Variants in MLPH observed in about 807,000 individuals in gnomAD.
MLPH encodes the protein melanophilin.
Under a neutral mutation model 72.1 loss-of-function variants are expected in MLPH, and 51 were observed. The observed-to-expected ratio is 0.71, with a 90% CI of 0.56 to 0.89. MLPH has a LOEUF of 0.89. MLPH is among the 40% of genes least tolerant of loss of function. The probability of loss-of-function intolerance (pLI) is 0.00; values close to 1 mark genes in which losing one functional copy is unlikely to be tolerated. For missense variants in MLPH, 743 were observed against 759.9 expected (o/e 0.98, Z 0.26); for synonymous variants, 301 against 310.1 (o/e 0.97, Z 0.31).
chr2:237,504,508 G>A (rs987793580), intron 2 of MLPH, among the ~76,000 whole-genome samples: 3 of 152,180 alleles, frequency 2.0e-5, no homozygotes, highest in Non-Finnish European at 2.9e-5. Context: ...GTGAGCCACC[G>A]CAACTGACCA....
In MLPH at chr2:237,537,997, C is replaced by T. The variant is rs141792829; in HGVS notation, c.1105-2351C>T. Among the ~76,000 whole-genome samples the T allele has an allele frequency of 5.3e-5, 8 of 152,336 alleles. No homozygotes were observed. In the East Asian group the frequency reaches 9.7e-4, roughly 18 times the overall value. The stretch of plus-strand genomic sequence containing the variant: ...ATGGATGAGTGAACGAGCAGGTGCA[C>T]GGGCAGACAAGTGAATGGGCGTCGT... On this transcript the variant is annotated intron_variant, in intron 9 of 15. Coordinates refer to ENST00000264605, the MANE Select transcript of MLPH (RefSeq NM_024101.7).
chr2:237,525,889 A>G, intron 7 of MLPH, 84 bp downstream of exon 7: 1 of 1,327,322 alleles, frequency 7.5e-7, no homozygotes, highest in Non-Finnish European at 1.1e-6. Context: ...ACCCTGACCT[A>G]TCCAACACAC....
rs1386436876 is a variant in MLPH, at chr2:237,505,334, C to T, written c.111-5240C>T. ...ACGTGCTGTGGCCTCTTCCACCAAC[C>T]CCAAGCCTCTGCCAGTCCCCTGGCT... is the stretch of plus-strand genomic sequence containing the variant. On this transcript the variant is annotated intron_variant, in intron 2 of 15. Transcript: ENST00000264605. The surrounding 1 kb of genome is among the most constrained non-coding windows in gnomAD (Gnocchi z 4.5). Among the ~76,000 whole-genome samples, 2 of 152,160 alleles carry T rather than the reference C, an allele frequency of 1.3e-5. No individual in the cohort carries two copies. The highest frequency in any genetic ancestry group is 2.9e-5 in the Non-Finnish European group (2 of 68,030).
At position 237,555,160 on chromosome 2, in the gene MLPH, C is replaced by G. The variant is rs2081102557; in HGVS notation, c.*1568C>G. On this transcript the variant is annotated 3_prime_UTR_variant, in exon 16 of 16. Coordinates refer to ENST00000264605, the MANE Select transcript of MLPH (RefSeq NM_024101.7). ...TGATGGTATATGCCTGTAGTCGTAC[C>G]TACTTACTTAGGAGGCTGAGGCAGG... The G allele has an allele frequency of 6.6e-6, 1 of 152,170 alleles. No homozygotes were observed. The highest frequency in any genetic ancestry group is 2.4e-5 in the African/African-American group (1 of 41,400). 9.4% of individuals were successfully genotyped at this position (152,170 alleles called of 1,614,324 possible). A position where few individuals can be genotyped will look rare whatever the true frequency, so the allele number is the denominator to read the frequency against.
At chr2:237,496,725 T>C (rs2106463535) in intron 2 of MLPH, among the ~76,000 whole-genome samples, 1 of 152,224 alleles carries the variant, frequency 6.6e-6, no homozygotes, top group East Asian at 1.9e-4. Flanking sequence ...AGGGGGGGGC[T>C]TGTTAAGTCC....
rs114258947 is a variant in MLPH, at chr2:237,541,381, G to C, written c.1446+424G>C. 0.025 allele frequency among the ~76,000 whole-genome samples: 3,825 copies of C among 152,300 alleles called. 50 individuals are homozygous for C. Among genetic ancestry groups the C allele is most frequent in the Middle Eastern group, 0.061 (18 of 294 alleles). On this transcript the variant is annotated intron_variant, in intron 11 of 15. Coordinates refer to ENST00000264605, the MANE Select transcript of MLPH (RefSeq NM_024101.7). This position sits in a 1 kb window ranked among gnomAD's most constrained non-coding sequence, Gnocchi z 5.1. Reference sequence around the variant, plus strand: ...AATCTGGGTGAGGAACCCATCAATAGTGCACAAAGGTCAAAGGGCAGAGCC... The same window carrying C: ...AATCTGGGTGAGGAACCCATCAATACTGCACAAAGGTCAAAGGGCAGAGCC...
At position 237,538,017 on chromosome 2, in the gene MLPH, C is replaced by A. The variant is rs1004702204; in HGVS notation, c.1105-2331C>A. ...GTGCACGGGCAGACAAGTGAATGGG[C>A]GTCGTCTTCCTGGCCATCTTGCTAA... On this transcript the variant is annotated intron_variant, in intron 9 of 15. Transcript: ENST00000264605. Among the ~76,000 whole-genome samples, 10 of 152,212 alleles carry A rather than the reference C, an allele frequency of 6.6e-5. 1 individual carries two copies. The highest frequency in any genetic ancestry group is 3.3e-4 in the Admixed American group (5 of 15,286).
intron 4 of MLPH, 186 bp from the exon 5 acceptor site, chr2:237,518,353 G>A (rs939613808): frequency 1.2e-5 from 8 of 688,242 alleles, no homozygotes; most frequent in African/African-American, 1.1e-4. Context: ...ATAGGGGGAT[G>A]GGTGGATTGG....
chr2:237,486,455 G>A (rs1352455112), upstream of MLPH: 1 of 152,306 alleles, frequency 6.6e-6, no homozygotes, highest in Non-Finnish European at 1.5e-5. Flanking sequence ...TGGAGACGGC[G>A]GCTCGCCTTG....
At chr2:237,547,854 G>A (rs983294441) in intron 13 of MLPH, among the ~76,000 whole-genome samples, 7 of 151,962 alleles carry the variant, frequency 4.6e-5, no homozygotes, top group South Asian at 2.1e-4. Context: ...GTTGCTCCCC[G>A]TGTTCAGGTG....
At chr2:237,520,667 C>CA (rs1429523771) in intron 6 of MLPH, among the ~76,000 whole-genome samples, 2 of 151,930 alleles carry the variant, frequency 1.3e-5, no homozygotes, top group African/African-American at 4.8e-5. Context: ...TGAAATTACT[C>CA]AAGATAATAG....
At chr2:237,489,917 C>T (rs961715744) in intron 1 of MLPH, among the ~76,000 whole-genome samples, 7 of 152,212 alleles carry the variant, frequency 4.6e-5, no homozygotes, top group African/African-American at 1.7e-4. Context: ...AAACCAGCTC[C>T]ACTCTCTCCT....
chr2:237,524,241 C>T (rs2080252428), intron 6 of MLPH, among the ~76,000 whole-genome samples: 1 of 150,164 alleles, frequency 6.7e-6, no homozygotes, highest in Non-Finnish European at 1.5e-5. Flanking sequence ...ATTATTTCCG[C>T]CCTACAGGAT....
At chr2:237,508,286 A>G (rs565760145) in intron 2 of MLPH, among the ~76,000 whole-genome samples, 1 of 151,988 alleles carries the variant, frequency 6.6e-6, no homozygotes, top group East Asian at 1.9e-4. Flanking sequence ...TAATTTTTGT[A>G]TTTTTAGTAG....
rs187626589 is a variant in MLPH at position 237,498,200 on chromosome 2, G to A, written c.110+4664G>A. On this transcript the variant is annotated intron_variant, in intron 2 of 15. Transcript: ENST00000264605. ...GCCCCAGAAACAAGTTTGCCAGGGG[G>A]TTGATTTGCTTAAGAGCGGATTCAC... Among the ~76,000 whole-genome samples, 171 of 152,222 alleles carry A rather than the reference G, an allele frequency of 1.1e-3. 1 individual carries two copies. The highest frequency in any genetic ancestry group is 3.9e-3 in the African/African-American group (161 of 41,456).
rs112711398 is a variant in MLPH at position 237,552,406 on chromosome 2, C to G, written c.1745C>G (p.Ala582Gly). 5 of 1,613,854 alleles carry G rather than the reference C, an allele frequency of 3.1e-6. No individual in the cohort carries two copies. The highest frequency in any genetic ancestry group is 2.5e-6 in the Non-Finnish European group (3 of 1,179,998). Residue 582 changes from alanine (A) to glycine (G), a missense_variant, in exon 15 of 16, where the codon GCG becomes GGG. Ala to Gly is a moderately conservative substitution (Grantham distance 60). Transcript: ENST00000264605. ...TCGCTGACACAGAGAAACCCCAACG[C>G]GAGGAAAGGAATGGCCAGCCACACC... ...RGSLTQRNPN[A>G]RKGMASHTFA...
chr2:237,505,929 C>T lies in MLPH; in HGVS notation c.111-4645C>T, dbSNP rs2079759789. On this transcript the variant is annotated intron_variant, in intron 2 of 15. Coordinates refer to ENST00000264605, the MANE Select transcript of MLPH (RefSeq NM_024101.7). The surrounding 1 kb of genome is among the most constrained non-coding windows in gnomAD (Gnocchi z 4.5). ...CCCCAAGGACAAGGACAGCACTTCC[C>T]TTCCACCCCCATGCATCCCCGTCTC... 6.6e-6 allele frequency among the ~76,000 whole-genome samples: 1 copy of T among 152,208 alleles called. No individual in the cohort carries two copies. The highest frequency in any genetic ancestry group is 2.1e-4 in the South Asian group (1 of 4,832).
Position 237,525,664 on chromosome 2 carries a change from G to C in MLPH, c.739G>C (p.Ala247Pro). 6.2e-7 allele frequency: 1 copy of C among 1,614,172 alleles called. No homozygotes were observed. The highest frequency in any genetic ancestry group is 8.5e-7 in the Non-Finnish European group (1 of 1,180,030). Residue 247 changes from alanine (A) to proline (P), a missense_variant, in exon 7 of 16, where the codon GCT (alanine) becomes CCT (proline). By Grantham distance (27) the Ala-to-Pro change is conservative. Transcript: ENST00000264605. Reference protein sequence around the residue: ...APHKAEGLEEADTGASGCHSH... With the variant: ...APHKAEGLEEPDTGASGCHSH... ...TCACAAGGCTGAGGGCCTGGAGGAG[G>C]CTGATACTGGGGCCTCTGGGTGCCA...
intron 8 of MLPH, among the ~76,000 whole-genome samples, chr2:237,532,889 A>G (rs1190097384): frequency 6.6e-6 from 1 of 152,234 alleles, no homozygotes; most frequent in Non-Finnish European, 1.5e-5. Flanking sequence ...ATCAAACCAG[A>G]ATATGGCACG....
Sources: allele counts gnomAD v4.1 joint callset (sites outside exome capture counted in the v4.1 genomes callset), GRCh38; gene constraint gnomAD v4.1.1; non-coding constraint Gnocchi (gnomAD v3.1); transcripts MANE v1.5; gene names NCBI Gene and HGNC (gene_info 2026-07-23, HGNC 2026-07-21).